The following FABP7 variants were observed in gnomAD, a reference collection of about 807,000 sequenced individuals.
FABP7 encodes fatty acid-binding protein, brain.
In FABP7, 13 loss-of-function variants were observed where a neutral mutation model predicts 14.2. The observed-to-expected ratio is 0.91, with a 90% confidence interval of 0.59 to 1.45. The LOEUF (loss-of-function observed/expected upper bound fraction) is 1.45. Ranked by LOEUF, FABP7 falls within the 40% of genes most tolerant of loss-of-function variation. The pLI is 0.00. For synonymous variants in FABP7, 49 were observed against 51.4 expected (o/e 0.95, Z 0.20); for missense variants, 149 against 157.6 (o/e 0.95, Z 0.29).
At chr6:122,767,354 A>G in the FABP7 span, among the ~76,000 whole-genome samples, 1 of 152,252 alleles carries the variant, frequency 6.6e-6, no homozygotes, top group East Asian at 1.9e-4. Context: ...TCATGAGGCT[A>G]TAAAAATTGA....
chr6:122,765,274 A>G, the FABP7 span, among the ~76,000 whole-genome samples: 1 of 152,084 alleles, frequency 6.6e-6, no homozygotes, highest in Non-Finnish European at 1.5e-5. Flanking sequence ...ATTGATCTGA[A>G]TTATATTTGA....
At chr6:122,762,460 A>C in the FABP7 span, among the ~76,000 whole-genome samples, 1 of 152,210 alleles carries the variant, frequency 6.6e-6, no homozygotes, top group Non-Finnish European at 1.5e-5. Flanking sequence ...AACTGGAAGC[A>C]TTCCCTTTGA....
At chr6:122,756,875 G>C in the FABP7 span, among the ~76,000 whole-genome samples, 1 of 152,140 alleles carries the variant, frequency 6.6e-6, no homozygotes, top group Non-Finnish European at 1.5e-5. Flanking sequence ...CACTATCCTT[G>C]TTTTCCTCTC....
chr6:122,754,332 C>T, the FABP7 span, among the ~76,000 whole-genome samples: 59 of 152,224 alleles, frequency 3.9e-4, no homozygotes, highest in South Asian at 3.1e-3. Flanking sequence ...TCATCTTCTT[C>T]CACCAAACCA....
intron 3 of FABP7, 49 bp downstream of exon 3, chr6:122,781,243 C>T (rs948302775): frequency 2.5e-6 from 4 of 1,593,152 alleles, no homozygotes; most frequent in African/African-American, 1.4e-5. Flanking sequence ...CTCCTCTCCG[C>T]ACACCTCTCA....
At chr6:122,779,683 C>A (rs917610817), upstream of FABP7, 1 of 985,656 alleles carries the variant, frequency 1.0e-6, no homozygotes, top group South Asian at 1.5e-5. Flanking sequence ...CACCCTCTTT[C>A]CAAATAAGAA....
Position 122,781,182 on chromosome 6 carries a change from C to T in FABP7, c.336C>T (p.Gly112=). ...ATTTTGTAAGAGAAATTAAGGATGG[C>T]AAAATGGTTATGGTAAGTAATGACA... ...ETNFVREIKD[G]KMVMTLTFGD... is the part of the protein sequence containing the mutation. Residue 112 remains glycine, a synonymous_variant, in exon 3 of 4, where the codon GGC becomes GGT. Transcript: ENST00000368444. 6.2e-7 allele frequency: 1 copy of T among 1,613,860 alleles called. No homozygotes were observed. The highest frequency in any genetic ancestry group is 8.5e-7 in the Non-Finnish European group (1 of 1,179,884).
intron 3 of FABP7, chr6:122,781,740 C>CATTTT: frequency 4.1e-6 from 3 of 739,872 alleles, no homozygotes; most frequent in Non-Finnish European, 4.8e-6. Context: ...AGTGATAACC[C>CATTTT]TTTTTTTTTT....
intron 1 of FABP7, 34 bp downstream of exon 1, chr6:122,779,901 A>C: frequency 4.2e-5 from 67 of 1,592,514 alleles, no homozygotes; most frequent in Non-Finnish European, 5.3e-5. Context: ...TTCTCTTCTC[A>C]ACGTGCAGCT....
the FABP7 span, among the ~76,000 whole-genome samples, chr6:122,761,407 C>G: frequency 6.6e-6 from 1 of 151,922 alleles, no homozygotes; most frequent in African/African-American, 2.4e-5. Context: ...AAAGATATAC[C>G]CTGTGTTTTG....
chr6:122,782,408 A>G, intron 3 of FABP7: 3 of 631,882 alleles, frequency 4.7e-6, no homozygotes, highest in Non-Finnish European at 5.9e-6. Flanking sequence ...TGTTGGGCTT[A>G]CAGTTGTTAT....
chr6:122,754,787 A>C, the FABP7 span, among the ~76,000 whole-genome samples: 1 of 151,852 alleles, frequency 6.6e-6, no homozygotes, highest in Non-Finnish European at 1.5e-5. Context: ...TGAAAATTGA[A>C]TTACCTGGCT....
rs1207410795 is a variant in FABP7 at position 122,781,740 on chromosome 6, C to CCTT, written c.348+546_348+547insCTT. 1.5e-3 allele frequency: 1,127 copies of CCTT among 740,032 alleles called. 1 individual carries two copies. The highest frequency in any genetic ancestry group is 1.7e-3 in the Non-Finnish European group (1,056 of 622,236). The allele number at this position is 740,032 out of a possible 1,614,324, so 45.8% of individuals were successfully genotyped here. A position where few individuals can be genotyped will look rare whatever the true frequency, so the allele number is the denominator to read the frequency against. ...CTCTGATTTCTCATCAGTGATAACC[C>CCTT]TTTTTTTTTTTTTTTTTTGAGATAA... On this transcript the variant is annotated intron_variant, in intron 3 of 3. Transcript: ENST00000368444.
the FABP7 span, among the ~76,000 whole-genome samples, chr6:122,753,784 G>A: frequency 3.1e-4 from 11 of 35,556 alleles, no homozygotes; most frequent in East Asian, 4.8e-3. Flanking sequence ...TCCAAATCCC[G>A]CCCCCCCCCC....
chr6:122,750,730 C>A, the FABP7 span, among the ~76,000 whole-genome samples: 1 of 151,956 alleles, frequency 6.6e-6, no homozygotes, highest in Non-Finnish European at 1.5e-5. Context: ...TGGTCTAAAC[C>A]GGAATGTTGT....
At chr6:122,780,877 A>T (rs1213044840) in intron 2 of FABP7, among the ~76,000 whole-genome samples, 1 of 152,226 alleles carries the variant, frequency 6.6e-6, no homozygotes, top group South Asian at 2.1e-4. Flanking sequence ...TGTTTTTAAT[A>T]TATTAAATTT....
At chr6:122,778,258 G>C (rs1479092970), upstream of FABP7, among the ~76,000 whole-genome samples, 1 of 152,144 alleles carries the variant, frequency 6.6e-6, no homozygotes, top group Non-Finnish European at 1.5e-5. Flanking sequence ...TGATTTTAGT[G>C]GTAAAGTATT....
the FABP7 span, among the ~76,000 whole-genome samples, chr6:122,760,177 T>TAC: frequency 6.6e-6 from 1 of 152,128 alleles, no homozygotes; most frequent in Non-Finnish European, 1.5e-5. Flanking sequence ...TTGACCAAGG[T>TAC]ACACACCCAA....
chr6:122,763,144 T>C, the FABP7 span, among the ~76,000 whole-genome samples: 287 of 152,116 alleles, frequency 1.9e-3, 7 homozygotes, highest in Non-Finnish European at 4.9e-4. Flanking sequence ...AACTATACTA[T>C]AAGGGTACAG....
Sources: gnomAD v4.1 joint callset for allele counts (sites outside exome capture counted in the v4.1 genomes callset) on GRCh38, gnomAD v4.1.1 for gene constraint, MANE v1.5 for transcripts, NCBI Gene and HGNC (gene_info 2026-07-23, HGNC 2026-07-21) for gene names.